Variants in CPSF7 observed in about 807,000 individuals in gnomAD.
CPSF7 encodes the protein cleavage and polyadenylation specific factor 7.
A neutral mutation model predicts 44.3 loss-of-function variants in CPSF7; 1 was observed. That is an observed-to-expected ratio of 0.02 (90% CI 0.01 to 0.11). The LOEUF (loss-of-function observed/expected upper bound fraction) is 0.11, where lower values mean the gene tolerates loss of function less well. Ranked by LOEUF, CPSF7 falls within the 10% of genes least tolerant of loss-of-function variation. The pLI is 1.00. For synonymous variants in CPSF7, 202 were observed against 222.0 expected (o/e 0.91, Z 0.80); for missense variants, 443 against 607.2 (o/e 0.73, Z 2.84).
chr11:61,408,413 A>G (rs1859531076), intron 9 of CPSF7, among the ~76,000 whole-genome samples: 1 of 152,064 alleles, frequency 6.6e-6, no homozygotes, highest in South Asian at 2.1e-4. Context: ...GGCCAAGGAC[A>G]TCTTCCTAAT....
At chr11:61,429,778 C>A in intron 1 of CPSF7, 136 bp downstream of exon 1, 21 of 1,547,782 alleles carry the variant, frequency 1.4e-5, no homozygotes, top group Non-Finnish European at 1.8e-5. Context: ...CGCTCTGCCT[C>A]CTCCCTCAAA....
chr11:61,413,224 G>C (rs987699147), intron 7 of CPSF7, among the ~76,000 whole-genome samples: 1 of 152,108 alleles, frequency 6.6e-6, no homozygotes, highest in Non-Finnish European at 1.5e-5. Context: ...TGTACCTCAT[G>C]AGACTTTCTA....
chr11:61,416,305 AG>A lies in CPSF7; in HGVS notation c.737del (p.Pro246LeufsTer57). ...GGTAGTGGATACCAGGAGGAGGAGG[AG>A]GGACCCCAAAGCTTGAGGAGAGAGG... ...PPPLSSSFGV[P>X]PPPPGIHYQH... is the part of the protein sequence containing the mutation. On this transcript the variant is annotated frameshift_variant, in exon 6 of 10. Coordinates refer to ENST00000439958, the MANE Select transcript of CPSF7 (RefSeq NM_001142565.3). The A allele has an allele frequency of 1.3e-6, 2 of 1,537,846 alleles. No individual in the cohort carries two copies. Among genetic ancestry groups the A allele is most frequent in the South Asian group, 1.2e-5 (1 of 80,646 alleles).
chr11:61,420,665 T>A lies in CPSF7; in HGVS notation c.274-92A>T. Reference sequence around the variant, plus strand: ...ACCCAGGATTCTAGTCACAACTAAGTCCCCCCAGAGGAAACTCAAAAGCCT... The same window carrying A: ...ACCCAGGATTCTAGTCACAACTAAGACCCCCCAGAGGAAACTCAAAAGCCT... On this transcript the variant is annotated intron_variant, in intron 3 of 9. Transcript: ENST00000439958. 10 of 951,636 alleles carry A rather than the reference T, an allele frequency of 1.1e-5. No individual in the cohort carries two copies. The South Asian group carries it at 1.4e-4, about 13-fold the overall frequency. The allele number at this position is 951,636 out of a possible 1,614,324, so 58.9% of individuals were successfully genotyped here. A position where few individuals can be genotyped will look rare whatever the true frequency, so the allele number is the denominator to read the frequency against.
intron 2 of CPSF7, among the ~76,000 whole-genome samples, chr11:61,425,214 A>G (rs1861243486): frequency 6.6e-6 from 1 of 152,254 alleles, no homozygotes; most frequent in Non-Finnish European, 1.5e-5. Flanking sequence ...TGAAGAAACA[A>G]GGTATCAAAT....
At chr11:61,416,570 A>G in intron 5 of CPSF7, 51 bp from the exon 6 acceptor site, 4 of 1,569,718 alleles carry the variant, frequency 2.5e-6, no homozygotes, top group Non-Finnish European at 3.5e-6. Flanking sequence ...ACACAAACCC[A>G]CAGGACCAGT....
Position 61,416,429 on chromosome 11 carries a change from C to T in CPSF7, c.614G>A (p.Arg205His), listed in dbSNP as rs758991309. The change falls in exon 6 of 10, where the codon CGT (arginine) becomes CAT (histidine). Residue 205 changes from arginine to histidine, a missense_variant. By Grantham distance (29) the Arg-to-His change is conservative. Coordinates refer to ENST00000439958, the MANE Select transcript of CPSF7 (RefSeq NM_001142565.3). Reference sequence around the variant, plus strand: ...CAGCACACTGGGGGGCTTATCCACACGAGCAGATGAGGGTACAAGGTTCTC... The same window carrying T: ...CAGCACACTGGGGGGCTTATCCACATGAGCAGATGAGGGTACAAGGTTCTC... ...PSENLVPSSA[R>H]VDKPPSVLPY... The T allele has an allele frequency of 5.0e-6, 8 of 1,613,874 alleles. No homozygotes were observed. Among genetic ancestry groups the T allele is most frequent in the South Asian group, 1.1e-5 (1 of 91,072 alleles).
At position 61,410,959 on chromosome 11, in the gene CPSF7, C is replaced by T. The variant is rs1859798075; in HGVS notation, c.1373G>A (p.Arg458Gln). The T allele has an allele frequency of 6.2e-7, 1 of 1,611,860 alleles. No homozygotes were observed. Residue 458 changes from arginine to glutamine, a missense_variant, in exon 9 of 10, where the codon CGG (arginine) becomes CAG (glutamine). Coordinates refer to ENST00000439958, the MANE Select transcript of CPSF7 (RefSeq NM_001142565.3). Reference sequence around the variant, plus strand: ...CCACCTTTCTCAGTGGTGCCGGTCCCGTTCTCTATCCCGGTGTCTCTCATG... The same window carrying T: ...CCACCTTTCTCAGTGGTGCCGGTCCTGTTCTCTATCCCGGTGTCTCTCATG... The part of the protein sequence containing the change: ...REHERHRDRE[R>Q]DRHH
chr11:61,421,366 G>C (rs967918787), intron 3 of CPSF7, 24 bp downstream of exon 3: 7 of 1,599,286 alleles, frequency 4.4e-6, no homozygotes, highest in Admixed American at 3.3e-5. Flanking sequence ...CCACCCCTAA[G>C]CATTTTTGGT....
intron 2 of CPSF7, chr11:61,426,822 T>C (rs1409719215): frequency 6.6e-6 from 1 of 152,076 alleles, no homozygotes; most frequent in African/African-American, 2.4e-5. Flanking sequence ...GGTCAAGAGA[T>C]TGAGACCATC....
At chr11:61,412,001 G>A in intron 7 of CPSF7, 64 bp from the exon 8 acceptor site, 1 of 1,441,050 alleles carries the variant, frequency 6.9e-7, no homozygotes, top group Non-Finnish European at 9.7e-7. Flanking sequence ...TGGACCAAAA[G>A]GAGAACTCAG....
chr11:61,429,488 T>G, intron 1 of CPSF7, 198 bp from the exon 2 acceptor site: 1 of 506,544 alleles, frequency 2.0e-6, no homozygotes, highest in Admixed American at 4.2e-5. Flanking sequence ...CCCATCACCC[T>G]CGGGCCCGAC....
Position 61,406,787 on chromosome 11 carries a change from G to A in CPSF7, c.*6-2083C>T, listed in dbSNP as rs138793285. On this transcript the variant is annotated intron_variant, in intron 9 of 9. Coordinates refer to ENST00000439958, the MANE Select transcript of CPSF7 (RefSeq NM_001142565.3). ...AGACAGGGTCTTGCTCTATTGCCCA[G>A]GCTGGAGTGCAGTGGCACAAACATG... 3.0e-3 allele frequency among the ~76,000 whole-genome samples: 456 copies of A among 152,192 alleles called. 5 individuals are homozygous for A. Among genetic ancestry groups the A allele is most frequent in the African/African-American group, 0.01 (426 of 41,504 alleles).
chr11:61,415,108 A>G (rs1227478791), intron 7 of CPSF7, among the ~76,000 whole-genome samples: 2 of 152,058 alleles, frequency 1.3e-5, no homozygotes, highest in Non-Finnish European at 2.9e-5. Context: ...CGTGGTGGCA[A>G]GTGCCTGTAA....
chr11:61,417,036 A>G (rs1860399980), intron 5 of CPSF7, among the ~76,000 whole-genome samples: 1 of 152,298 alleles, frequency 6.6e-6, no homozygotes, highest in Admixed American at 6.5e-5. Context: ...CAGGAACTGG[A>G]TGGCACTTCT....
intron 2 of CPSF7, among the ~76,000 whole-genome samples, chr11:61,424,505 T>G (rs1379992771): frequency 6.6e-6 from 1 of 152,090 alleles, no homozygotes; most frequent in East Asian, 1.9e-4. Flanking sequence ...CAGGTTGAAG[T>G]GCAGTGGCGC....
chr11:61,415,878 C>A, intron 6 of CPSF7, 94 bp from the exon 7 acceptor site: 1 of 973,012 alleles, frequency 1.0e-6, no homozygotes. Context: ...TAACACAGAA[C>A]AATGCTAGAC....
chr11:61,418,537 T>C (rs1860547963), intron 5 of CPSF7, among the ~76,000 whole-genome samples: 1 of 152,122 alleles, frequency 6.6e-6, no homozygotes, highest in Non-Finnish European at 1.5e-5. Flanking sequence ...GAAATGTAAT[T>C]GCCAAGCAGA....
At chr11:61,409,416 A>G (rs1050633918) in intron 9 of CPSF7, among the ~76,000 whole-genome samples, 2 of 151,966 alleles carry the variant, frequency 1.3e-5, no homozygotes, top group Admixed American at 6.6e-5. Flanking sequence ...GTTTGCAGTG[A>G]GCCGAGATTG....
Sources: allele counts gnomAD v4.1 joint callset (sites outside exome capture counted in the v4.1 genomes callset), GRCh38; gene constraint gnomAD v4.1.1; transcripts MANE v1.5; gene names NCBI Gene and HGNC (gene_info 2026-07-23, HGNC 2026-07-21).